The following TRIQK variants were observed in gnomAD, a reference collection of about 807,000 sequenced individuals.
TRIQK encodes triple QxxK/R motif-containing protein.
Under a neutral mutation model 10.8 loss-of-function variants are expected in TRIQK, and 10 were observed. The observed-to-expected ratio is 0.92, with a 90% CI of 0.57 to 1.57. The LOEUF is 1.57. TRIQK is among the 40% of genes most tolerant of loss of function. The pLI is 0.00. For missense variants in TRIQK, 107 were observed against 97.7 expected (o/e 1.09, Z -0.40); for synonymous variants, 33 against 33.7 (o/e 0.98, Z 0.07).
chr8:93,009,607 C>CAA (rs35457757), intron 1 of TRIQK, among the ~76,000 whole-genome samples: 29 of 135,736 alleles, frequency 2.1e-4, no homozygotes, highest in South Asian at 7.0e-4. Flanking sequence ...GACTCTGCCT[C>CAA]AAAAAAAAAA....
intron 1 of TRIQK, among the ~76,000 whole-genome samples, chr8:92,985,700 A>C (rs1813024247): frequency 6.6e-6 from 1 of 152,278 alleles, no homozygotes. Context: ...CTTTTTAGTA[A>C]TAAAATGTTT....
intron 1 of TRIQK, among the ~76,000 whole-genome samples, chr8:92,990,856 G>GT (rs972298243): frequency 8.6e-5 from 13 of 151,538 alleles, no homozygotes; most frequent in South Asian, 2.1e-4. Context: ...AGCTGCAGGA[G>GT]TTTTTTTTTC....
upstream of TRIQK, among the ~76,000 whole-genome samples, chr8:92,967,683 A>G (rs1202485401): frequency 2.0e-5 from 3 of 151,776 alleles, no homozygotes; most frequent in Admixed American, 2.0e-4. Context: ...TTAGGCAGGC[A>G]TGGTGGCAGG....
chr8:92,919,862 G>C lies in TRIQK; in HGVS notation c.-21-2852C>G, dbSNP rs149357175. On this transcript the variant is annotated intron_variant, in intron 2 of 4. Coordinates refer to ENST00000521988, the MANE Select transcript of TRIQK (RefSeq NM_001171797.2). ...ATTCTGTCTTGTCATGTTTAATCTTGATAGGTTTTATATGCCCAGGAATGT... is the reference window on the plus strand; with the variant it reads ...ATTCTGTCTTGTCATGTTTAATCTTCATAGGTTTTATATGCCCAGGAATGT... Among the ~76,000 whole-genome samples the C allele has an allele frequency of 8.9e-4, 135 of 151,742 alleles. 1 individual carries two copies. Among genetic ancestry groups the C allele is most frequent in the African/African-American group, 3.2e-3 (132 of 41,478 alleles).
At chr8:92,993,915 G>T (rs1474630772) in intron 1 of TRIQK, among the ~76,000 whole-genome samples, 4 of 152,112 alleles carry the variant, frequency 2.6e-5, no homozygotes, top group Admixed American at 6.5e-5. Flanking sequence ...GATGATAAAA[G>T]ACTAGGCAAA....
chr8:92,991,858 C>T lies in TRIQK; in HGVS notation c.-181+25751G>A, dbSNP rs545946659. On this transcript the variant is annotated intron_variant, in intron 1 of 4. Transcript: ENST00000520686. ...AATCACACACATTCCTATACACTAACGATAGACAAACAGAGAGCCAAACCA... is the reference window on the plus strand; with the variant it reads ...AATCACACACATTCCTATACACTAATGATAGACAAACAGAGAGCCAAACCA... 4.6e-5 allele frequency among the ~76,000 whole-genome samples: 7 copies of T among 152,160 alleles called. No homozygotes were observed. The South Asian group carries it at 6.2e-4, about 14-fold the overall frequency.
chr8:92,937,657 A>T (rs1811062442), intron 2 of TRIQK, among the ~76,000 whole-genome samples: 1 of 150,444 alleles, frequency 6.6e-6, no homozygotes, highest in Admixed American at 6.6e-5. Flanking sequence ...CACTTTTATT[A>T]GTCATTCCTC....
At chr8:92,893,226 C>T (rs949476202) in intron 3 of TRIQK, among the ~76,000 whole-genome samples, 1 of 151,906 alleles carries the variant, frequency 6.6e-6, no homozygotes, top group Non-Finnish European at 1.5e-5. Context: ...GCTAATGATT[C>T]AAAAGTATCT....
At chr8:92,995,952 T>C (rs1181025235) in intron 1 of TRIQK, among the ~76,000 whole-genome samples, 1 of 152,100 alleles carries the variant, frequency 6.6e-6, no homozygotes, top group Non-Finnish European at 1.5e-5. Flanking sequence ...AGAATAGATA[T>C]AATTGGCTTC....
chr8:92,892,658 T>C (rs990782511), intron 3 of TRIQK, among the ~76,000 whole-genome samples: 1 of 151,986 alleles, frequency 6.6e-6, no homozygotes, highest in Non-Finnish European at 1.5e-5. Context: ...AAAATTAACA[T>C]GGCTAGATAG....
At chr8:92,970,231 GTGCATAGTGC>G (rs1443604132), upstream of TRIQK, among the ~76,000 whole-genome samples, 1 of 152,130 alleles carries the variant, frequency 6.6e-6, no homozygotes, top group Non-Finnish European at 1.5e-5. Flanking sequence ...CTTTGCTATG[GTGCATAGTGC>G]TGCAATGAAC....
Position 92,900,853 on chromosome 8 carries a change from T to TGAA in TRIQK, c.62-8780_62-8779insTTC, listed in dbSNP as rs147369788. On this transcript the variant is annotated intron_variant, in intron 3 of 4. Coordinates refer to ENST00000521988, the MANE Select transcript of TRIQK (RefSeq NM_001171797.2). ...GGTAGGATAAACAATTTAGCAATAT[T>TGAA]GATTTTTCCAATCCATGAACATGGA... Among the ~76,000 whole-genome samples the TGAA allele has an allele frequency of 8.7e-4, 132 of 152,278 alleles. 1 individual carries two copies. In the East Asian group the frequency reaches 0.019, roughly 22 times the overall value.
chr8:92,932,933 A>G (rs1810808382), intron 2 of TRIQK, among the ~76,000 whole-genome samples: 1 of 151,990 alleles, frequency 6.6e-6, no homozygotes. Flanking sequence ...TTTCTGACAC[A>G]CAGATATTTA....
chr8:92,904,467 A>G (rs1422996931), intron 3 of TRIQK, among the ~76,000 whole-genome samples: 3 of 152,178 alleles, frequency 2.0e-5, no homozygotes, highest in African/African-American at 7.2e-5. Flanking sequence ...GATTAATTAT[A>G]TCATGGAAAC....
chr8:92,963,962 A>G (rs1812592830), intron 1 of TRIQK: 1 of 152,152 alleles, frequency 6.6e-6, no homozygotes, highest in African/African-American at 2.4e-5. Flanking sequence ...TTACTTGTTT[A>G]AATACCAGAA....
chr8:92,977,560 C>T (rs1014371746), intron 1 of TRIQK, among the ~76,000 whole-genome samples: 94 of 152,022 alleles, frequency 6.2e-4, no homozygotes, highest in African/African-American at 2.2e-3. Context: ...TTTCTCTACC[C>T]TCCTGATCAT....
At chr8:93,012,283 G>C (rs866513985) in intron 1 of TRIQK, among the ~76,000 whole-genome samples, 17 of 152,118 alleles carry the variant, frequency 1.1e-4, no homozygotes, top group African/African-American at 4.1e-4. Context: ...TCTTTTCTTT[G>C]TGCTGGGAAA....
At chr8:92,913,423 C>T (rs376890214) in intron 3 of TRIQK, among the ~76,000 whole-genome samples, 1 of 152,142 alleles carries the variant, frequency 6.6e-6, no homozygotes, top group African/African-American at 2.4e-5. Flanking sequence ...AGTGAGACAC[C>T]ATCTCATGAC....
At chr8:92,897,197 G>A (rs1808656687) in intron 3 of TRIQK, among the ~76,000 whole-genome samples, 1 of 152,138 alleles carries the variant, frequency 6.6e-6, no homozygotes. Flanking sequence ...CGAGACGAAT[G>A]ATGCCTTGAG....
Sources: allele counts gnomAD v4.1 joint callset (sites outside exome capture counted in the v4.1 genomes callset), GRCh38; gene constraint gnomAD v4.1.1; transcripts MANE v1.5; gene names NCBI Gene and HGNC (gene_info 2026-07-23, HGNC 2026-07-21).